Variants in ASAP1 observed in about 807,000 individuals in gnomAD.
ASAP1 encodes arf-GAP with SH3 domain, ANK repeat and PH domain-containing protein 1.
Under a neutral mutation model 145.2 loss-of-function variants are expected in ASAP1, and 43 were observed. The ratio of observed to expected loss-of-function variants is 0.30; its 90% CI spans 0.23 to 0.38. The LOEUF (loss-of-function observed/expected upper bound fraction) is 0.38, where lower values mean the gene tolerates loss of function less well. Ranked by LOEUF, ASAP1 falls within the 10% of genes least tolerant of loss-of-function variation. The pLI is 1.00. For missense variants in ASAP1, 1,018 were observed against 1,355.3 expected (o/e 0.75, Z 3.91); for synonymous variants, 546 against 515.5 (o/e 1.06, Z -0.80).
intron 18 of ASAP1, among the ~76,000 whole-genome samples, chr8:130,123,222 T>C (rs2097569387): frequency 1.3e-5 from 2 of 152,218 alleles, no homozygotes; most frequent in Admixed American, 1.3e-4. Flanking sequence ...AAAGGGTAAG[T>C]ACATTTATAA....
intron 3 of ASAP1, among the ~76,000 whole-genome samples, chr8:130,243,784 G>A (rs1018934951): frequency 9.2e-5 from 14 of 152,044 alleles, no homozygotes; most frequent in African/African-American, 2.7e-4. Flanking sequence ...AGGACATTCT[G>A]ATGGTCCAAC....
chr8:130,077,992 CT>C (rs555579534), intron 26 of ASAP1, among the ~76,000 whole-genome samples: 15,020 of 139,272 alleles, frequency 0.11, 642 homozygotes, highest in South Asian at 0.27. Context: ...TGTTTAAAAA[CT>C]TTTTTTTTTT....
intron 3 of ASAP1, among the ~76,000 whole-genome samples, chr8:130,264,910 C>A (rs1437280283): frequency 6.6e-6 from 1 of 151,838 alleles, no homozygotes; most frequent in Non-Finnish European, 1.5e-5. Context: ...GAGTAAATGA[C>A]CCCCAAGAAT....
chr8:130,181,323 C>T (rs1814342636), intron 7 of ASAP1, among the ~76,000 whole-genome samples: 1 of 152,160 alleles, frequency 6.6e-6, no homozygotes, highest in Non-Finnish European at 1.5e-5. Context: ...GATTCATATA[C>T]ATTCTCTTAA....
intron 3 of ASAP1, among the ~76,000 whole-genome samples, chr8:130,271,174 G>T (rs578164406): frequency 1.3e-5 from 2 of 152,246 alleles, no homozygotes; most frequent in African/African-American, 4.8e-5. Context: ...TCAGCAGAGG[G>T]GCTGCTCGCT....
chr8:130,087,289 A>G (rs2097495604), intron 25 of ASAP1, among the ~76,000 whole-genome samples: 1 of 152,066 alleles, frequency 6.6e-6, no homozygotes, highest in African/African-American at 2.4e-5. Flanking sequence ...AGAGGCCGAG[A>G]TGGGTGGATC....
In ASAP1 at chr8:130,400,445, G is replaced by A. The variant is rs183233187; in HGVS notation, c.59+1440C>T. 5.9e-5 allele frequency among the ~76,000 whole-genome samples: 9 copies of A among 151,772 alleles called. No individual in the cohort carries two copies. The East Asian group carries it at 1.8e-3, about 30-fold the overall frequency. ...GCCTCAGTATTCCCAGCTGCAAAAT[G>A]GAATAAATCATATCTCTACCTCTCC... On this transcript the variant is annotated intron_variant, in intron 2 of 29. Transcript: ENST00000518721.
intron 27 of ASAP1, among the ~76,000 whole-genome samples, chr8:130,067,984 G>A (rs1042646748): frequency 2.0e-5 from 3 of 152,172 alleles, no homozygotes; most frequent in African/African-American, 4.8e-5. Flanking sequence ...ACAGAAACAT[G>A]TGGTTTGAGA....
chr8:130,340,869 T>C (rs1211214807), intron 3 of ASAP1: 2 of 456,154 alleles, frequency 4.4e-6, no homozygotes, highest in Non-Finnish European at 8.8e-6. Flanking sequence ...GGCTCCTGCA[T>C]GCTTCTTGAG....
At chr8:130,439,925 G>A (rs1830436217) in intron 1 of ASAP1, among the ~76,000 whole-genome samples, 15 of 152,162 alleles carry the variant, frequency 9.9e-5, no homozygotes, top group Admixed American at 9.8e-4. Flanking sequence ...ATTTAGGATG[G>A]CTGATACAGA....
chr8:130,141,555 A>AG (rs1474493734), intron 13 of ASAP1, among the ~76,000 whole-genome samples: 2 of 152,082 alleles, frequency 1.3e-5, no homozygotes, highest in Non-Finnish European at 2.9e-5. Flanking sequence ...CTTCTCACTA[A>AG]GGACACACAC....
chr8:130,357,579 G>A (rs1198979873), intron 3 of ASAP1, among the ~76,000 whole-genome samples: 1 of 152,222 alleles, frequency 6.6e-6, no homozygotes, highest in African/African-American at 2.4e-5. Flanking sequence ...TGGTCCAGTC[G>A]GGCCGCTGAG....
At chr8:130,197,253 C>A (rs1815560505) in intron 5 of ASAP1, among the ~76,000 whole-genome samples, 1 of 152,214 alleles carries the variant, frequency 6.6e-6, no homozygotes, top group African/African-American at 2.4e-5. Context: ...CATGGTGAAA[C>A]CCTCATCTCT....
chr8:130,222,896 A>G (rs1817376879), intron 4 of ASAP1, among the ~76,000 whole-genome samples: 1 of 152,188 alleles, frequency 6.6e-6, no homozygotes, highest in Non-Finnish European at 1.5e-5. Flanking sequence ...GGTAAAGTGC[A>G]GGAGCCTCTA....
intron 2 of ASAP1, among the ~76,000 whole-genome samples, chr8:130,395,563 A>G (rs1180236950): frequency 6.6e-6 from 1 of 152,200 alleles, no homozygotes; most frequent in Non-Finnish European, 1.5e-5. Flanking sequence ...GACACCAGAC[A>G]CTACGAAGAG....
rs1337901316 is a variant in ASAP1 at position 130,358,035 on chromosome 8, G to C, written c.168C>G (p.Thr56=). Reference sequence around the variant, plus strand: ...GACCTACCTCCTCCAGCAGCGTGACGGTGTTCCTGCAGTTGTGCAGCCGCG... The same window carrying C: ...GACCTACCTCCTCCAGCAGCGTGACCGTGTTCCTGCAGTTGTGCAGCCGCG... ...FTTRLHNCRN[T]VTLLEEALDQ... The change falls in exon 3 of 30, where the codon ACC becomes ACG. Residue 56 remains threonine (T), a synonymous_variant. Coordinates refer to ENST00000518721, the MANE Select transcript of ASAP1 (RefSeq NM_018482.4). The surrounding 1 kb of genome is among the most constrained non-coding windows in gnomAD (Gnocchi z 4.1). The C allele has an allele frequency of 1.2e-6, 2 of 1,609,362 alleles. No individual in the cohort carries two copies. The highest frequency in any genetic ancestry group is 2.2e-5 in the South Asian group (2 of 90,632).
At chr8:130,268,213 C>T (rs913220311) in intron 3 of ASAP1, among the ~76,000 whole-genome samples, 5 of 152,074 alleles carry the variant, frequency 3.3e-5, no homozygotes, top group African/African-American at 4.8e-5. Context: ...AGGCCTGGCA[C>T]GGTAGCTCAT....
At chr8:130,374,040 A>G (rs985591932) in intron 2 of ASAP1, among the ~76,000 whole-genome samples, 2 of 148,712 alleles carry the variant, frequency 1.3e-5, no homozygotes, top group African/African-American at 4.9e-5. Context: ...CCTTTAAAAA[A>G]AAAAAAAAAA....
chr8:130,269,652 TCACCC>T (rs1820472018), intron 3 of ASAP1, among the ~76,000 whole-genome samples: 2 of 152,214 alleles, frequency 1.3e-5, no homozygotes, highest in African/African-American at 4.8e-5. Flanking sequence ...ACTGTCTCTT[TCACCC>T]CTAAGGGGGT....
Sources: allele counts gnomAD v4.1 joint callset (sites outside exome capture counted in the v4.1 genomes callset), GRCh38; gene constraint gnomAD v4.1.1; non-coding constraint Gnocchi (gnomAD v3.1); transcripts MANE v1.5; gene names NCBI Gene and HGNC (gene_info 2026-07-23, HGNC 2026-07-21).